The following KLHL29 variants were observed in gnomAD, a reference collection of about 807,000 sequenced individuals.
KLHL29 encodes kelch-like protein 29.
In KLHL29, 21 loss-of-function variants were observed where a neutral mutation model predicts 80.4. The ratio of observed to expected loss-of-function variants is 0.26; its 90% CI spans 0.19 to 0.38. KLHL29 has a LOEUF of 0.38. Among genes scored for constraint, KLHL29 ranks in the 10% least tolerant of loss-of-function variants. The pLI is 1.00. For missense variants in KLHL29, 867 were observed against 1,223.9 expected (o/e 0.71, Z 4.35); for synonymous variants, 511 against 526.8 (o/e 0.97, Z 0.41).
At chr2:23,509,571 T>G (rs1256691852) in intron 2 of KLHL29, among the ~76,000 whole-genome samples, 3 of 151,132 alleles carry the variant, frequency 2.0e-5, no homozygotes, top group Admixed American at 1.3e-4. Flanking sequence ...GAAAAAAAAA[T>G]GAATTACTGA....
intron 1 of KLHL29, among the ~76,000 whole-genome samples, chr2:23,472,449 C>T (rs1664519038): frequency 1.3e-5 from 2 of 152,146 alleles, no homozygotes; most frequent in African/African-American, 2.4e-5. Flanking sequence ...TCCTGACCAA[C>T]ATGATGAAAC....
intron 5 of KLHL29, among the ~76,000 whole-genome samples, chr2:23,662,420 G>A (rs1277834833): frequency 1.3e-5 from 2 of 152,204 alleles, no homozygotes; most frequent in Non-Finnish European, 2.9e-5. Flanking sequence ...GGCATTTGTT[G>A]TTTGTTGATC....
chr2:23,671,903 C>G (rs13019016), intron 5 of KLHL29: 19,686 of 152,398 alleles, frequency 0.13, 1,346 homozygotes, highest in Middle Eastern at 0.2. Context: ...TGCACTGCCT[C>G]CATTCCTGCC....
intron 2 of KLHL29, among the ~76,000 whole-genome samples, chr2:23,516,756 C>T (rs932480964): frequency 6.6e-6 from 1 of 152,256 alleles, no homozygotes; most frequent in African/African-American, 2.4e-5. Context: ...CTCCAGGGCC[C>T]TCATCCATGC....
rs796192593 is a variant in KLHL29 at position 23,660,871 on chromosome 2, CA to C, written c.940+18030del. On this transcript the variant is annotated intron_variant, in intron 5 of 13. Transcript: ENST00000486442. ...TGAAACCCCATCTCTACTAAAAATA[CA>C]AAAAAAAAGTCAGCCAGGCGTGGTG... is the stretch of plus-strand genomic sequence containing the variant. Among the ~76,000 whole-genome samples the C allele has an allele frequency of 3.4e-3, 511 of 150,812 alleles. 4 individuals are homozygous for C. Among genetic ancestry groups the C allele is most frequent in the African/African-American group, 0.012 (485 of 41,124 alleles).
intron 3 of KLHL29, among the ~76,000 whole-genome samples, chr2:23,597,939 T>C (rs760858408): frequency 6.6e-6 from 1 of 152,154 alleles, no homozygotes; most frequent in Non-Finnish European, 1.5e-5. Flanking sequence ...GTGGGAGAGA[T>C]GCACAGGATG....
chr2:23,552,620 C>G (rs527959733), intron 2 of KLHL29, among the ~76,000 whole-genome samples: 2 of 152,254 alleles, frequency 1.3e-5, no homozygotes, highest in South Asian at 4.2e-4. Flanking sequence ...GTTTCACTGG[C>G]ATTGGAGAAA....
At chr2:23,391,941 C>T (rs376017874) in intron 1 of KLHL29, among the ~76,000 whole-genome samples, 1 of 152,224 alleles carries the variant, frequency 6.6e-6, no homozygotes, top group South Asian at 2.1e-4. Flanking sequence ...TGCAGTGATA[C>T]TGCAGAGGGA....
chr2:23,536,918 A>ACACACACTCTCTCTCT (rs143009876), intron 2 of KLHL29, among the ~76,000 whole-genome samples: 8 of 140,736 alleles, frequency 5.7e-5, no homozygotes, highest in African/African-American at 2.2e-4. Context: ...ACACACACAC[A>ACACACACTCTCTCTCT]CTCTCTCTCT....
chr2:23,482,548 A>G (rs2103442992), intron 2 of KLHL29, among the ~76,000 whole-genome samples: 1 of 152,346 alleles, frequency 6.6e-6, no homozygotes, highest in East Asian at 1.9e-4. Flanking sequence ...CCATGTGTGC[A>G]TCCTGCTCAG....
intron 2 of KLHL29, among the ~76,000 whole-genome samples, chr2:23,551,732 G>T (rs552771966): frequency 6.6e-6 from 1 of 152,206 alleles, no homozygotes; most frequent in Non-Finnish European, 1.5e-5. Context: ...AGGCTGGTGC[G>T]TCTCAAACTT....
At chr2:23,390,749 T>C (rs1329460067) in intron 1 of KLHL29, among the ~76,000 whole-genome samples, 1 of 151,516 alleles carries the variant, frequency 6.6e-6, no homozygotes, top group African/African-American at 2.4e-5. Context: ...CCTCCTGGGT[T>C]CATGAGATTC....
At chr2:23,488,890 GACCA>G (rs1248374374) in intron 2 of KLHL29, among the ~76,000 whole-genome samples, 1 of 152,156 alleles carries the variant, frequency 6.6e-6, no homozygotes, top group East Asian at 1.9e-4. Context: ...AAGAAGAAGG[GACCA>G]CATCCTAAAT....
intron 3 of KLHL29, among the ~76,000 whole-genome samples, chr2:23,598,027 G>A (rs1413383344): frequency 1.3e-5 from 2 of 152,172 alleles, no homozygotes; most frequent in Admixed American, 1.3e-4. Flanking sequence ...GGAGGCATCC[G>A]AAAGTCAGTG....
intron 3 of KLHL29, among the ~76,000 whole-genome samples, chr2:23,612,518 G>T (rs1452385162): frequency 3.9e-5 from 6 of 152,202 alleles, no homozygotes; most frequent in African/African-American, 1.4e-4. Flanking sequence ...GTGGCAGGTG[G>T]ATCACCTGAG....
chr2:23,682,539 T>C lies in KLHL29; in HGVS notation c.941-1860T>C, dbSNP rs1474457031. Among the ~76,000 whole-genome samples, 2 of 152,220 alleles carry C rather than the reference T, an allele frequency of 1.3e-5. No homozygotes were observed. The highest frequency in any genetic ancestry group is 4.8e-5 in the African/African-American group (2 of 41,458). On this transcript the variant is annotated intron_variant, in intron 5 of 13. Coordinates refer to ENST00000486442, the MANE Select transcript of KLHL29 (RefSeq NM_052920.2). The surrounding 1 kb of genome is among the most constrained non-coding windows in gnomAD (Gnocchi z 4.1). ...CTTCCTGTCCAGAATCCCCTGTGGC[T>C]CCCTGGTGCCCCAGGATGAAGCTGG...
rs529715114 is a variant in KLHL29, at chr2:23,528,961, CAG to C, written c.-45-33189_-45-33188del. Among the ~76,000 whole-genome samples the C allele has an allele frequency of 2.6e-5, 4 of 152,330 alleles. No homozygotes were observed. In the South Asian group the frequency reaches 8.3e-4, roughly 32 times the overall value. ...CCCCTTGGGCCTTGGGAGTGGGACT[CAG>C]AACTTCTGCTGAAAGTGTGATCCTC... On this transcript the variant is annotated intron_variant, in intron 2 of 13. Transcript: ENST00000486442.
intron 2 of KLHL29, among the ~76,000 whole-genome samples, chr2:23,516,726 G>A (rs1039858402): frequency 6.6e-6 from 1 of 152,260 alleles, no homozygotes; most frequent in African/African-American, 2.4e-5. Context: ...CCCTCGAGCC[G>A]GTTGGCCAAT....
At chr2:23,577,455 A>AG (rs1167619760) in intron 3 of KLHL29, among the ~76,000 whole-genome samples, 110 of 151,698 alleles carry the variant, frequency 7.3e-4, no homozygotes, top group African/African-American at 2.6e-3. Flanking sequence ...TCTAAATAAA[A>AG]GGGGGGTGGG....
Sources: allele counts gnomAD v4.1 joint callset (sites outside exome capture counted in the v4.1 genomes callset), GRCh38; gene constraint gnomAD v4.1.1; non-coding constraint Gnocchi (gnomAD v3.1); transcripts MANE v1.5; gene names NCBI Gene and HGNC (gene_info 2026-07-23, HGNC 2026-07-21).